ITGA1: variants seen among roughly 807,000 people sequenced by gnomAD.
ITGA1 encodes the protein integrin alpha-1.
ITGA1 carries 85 observed loss-of-function variants against 145.9 expected under a neutral mutation model. That is an observed-to-expected ratio of 0.58 (90% CI 0.49 to 0.70). The LOEUF is 0.70. Ranked by LOEUF, ITGA1 falls within the 30% of genes least tolerant of loss-of-function variation. ITGA1 has a pLI of 0.00. For synonymous variants in ITGA1, 520 were observed against 495.3 expected, an observed-to-expected ratio of 1.05 and a Z score of -0.66; for missense variants, 1,351 against 1,418.7, an observed-to-expected ratio of 0.95 and a Z score of 0.77.
At chr5:52,825,801 C>T (rs1048156053) in intron 1 of ITGA1, among the ~76,000 whole-genome samples, 1 of 151,928 alleles carries the variant, frequency 6.6e-6, no homozygotes. Context: ...GCCTGTAATC[C>T]CAGCTACTTG....
At chr5:52,820,880 T>C (rs1187199230) in intron 1 of ITGA1, among the ~76,000 whole-genome samples, 1 of 152,182 alleles carries the variant, frequency 6.6e-6, no homozygotes, top group Non-Finnish European at 1.5e-5. Flanking sequence ...TTCCCCAATT[T>C]AAGGTTGTCT....
intron 1 of ITGA1, chr5:52,800,330 TC>T: frequency 6.3e-7 from 1 of 1,585,482 alleles, no homozygotes; most frequent in Non-Finnish European, 8.6e-7. Context: ...CCATCCCCTC[TC>T]CCGGGGCGGA....
intron 1 of ITGA1, among the ~76,000 whole-genome samples, chr5:52,825,832 C>T (rs754381998): frequency 1.9e-4 from 29 of 151,172 alleles, no homozygotes; most frequent in Non-Finnish European, 2.2e-4. Flanking sequence ...GCAGGAGAAT[C>T]GCTTGAACCA....
intron 17 of ITGA1, 48 bp downstream of exon 17, chr5:52,920,516 A>G (rs1323460509): frequency 2.9e-6 from 4 of 1,384,590 alleles, no homozygotes; most frequent in Admixed American, 2.5e-5. Context: ...TCAAGAATAC[A>G]GTAGAGATGT....
intron 21 of ITGA1, chr5:52,931,362 C>G (rs1412774871): frequency 6.6e-6 from 1 of 152,132 alleles, no homozygotes; most frequent in Non-Finnish European, 1.5e-5. Flanking sequence ...AGAACAATCT[C>G]ATTCTCTGGC....
chr5:52,888,136 G>A (rs903906571), intron 8 of ITGA1, among the ~76,000 whole-genome samples, 171 bp downstream of exon 8: 1 of 152,016 alleles, frequency 6.6e-6, no homozygotes, highest in African/African-American at 2.4e-5. Flanking sequence ...TGGGTCCTTA[G>A]TACCCAGCAC....
Position 52,955,896 on chromosome 5 carries a change from G to A in ITGA1, c.*3445G>A, listed in dbSNP as rs903766356. 2 of 151,524 alleles carry A rather than the reference G, an allele frequency of 1.3e-5. No individual in the cohort carries two copies. Among genetic ancestry groups the A allele is most frequent in the African/African-American group, 4.9e-5 (2 of 41,148 alleles). The allele number at this position is 151,524 out of a possible 1,614,324, so 9.4% of individuals were successfully genotyped here. A position where few individuals can be genotyped will look rare whatever the true frequency, so the allele number is the denominator to read the frequency against. Reference sequence around the variant, plus strand: ...AACAGATATTTTTACAAAATTTGATGCTTCTGCAACCATAATAATTTTATC... The same window carrying A: ...AACAGATATTTTTACAAAATTTGATACTTCTGCAACCATAATAATTTTATC... On this transcript the variant is annotated 3_prime_UTR_variant, in exon 29 of 29. Coordinates refer to ENST00000282588, the MANE Select transcript of ITGA1 (RefSeq NM_181501.2).
chr5:52,857,842 C>T (rs1256645626), intron 2 of ITGA1, among the ~76,000 whole-genome samples: 1 of 152,166 alleles, frequency 6.6e-6, no homozygotes, highest in East Asian at 1.9e-4. Flanking sequence ...ACTGAGCCCA[C>T]TTGCCTACAG....
chr5:52,854,691 G>T (rs867751395), intron 2 of ITGA1, among the ~76,000 whole-genome samples: 2 of 152,128 alleles, frequency 1.3e-5, no homozygotes, highest in Non-Finnish European at 2.9e-5. Context: ...ATCTTTTGCA[G>T]GGAAGAAAAC....
At position 52,953,064 on chromosome 5, in the gene ITGA1, A is replaced by G. The variant is rs1289161488; in HGVS notation, c.*613A>G. 5 of 152,174 alleles carry G rather than the reference A, an allele frequency of 3.3e-5. No individual in the cohort carries two copies. The highest frequency in any genetic ancestry group is 1.2e-4 in the African/African-American group (5 of 41,420). 9.4% of individuals were successfully genotyped at this position (152,174 alleles called of 1,614,324 possible). The stretch of plus-strand genomic sequence containing the variant: ...TCCCTGCCCAAGGTGATTGGAAAGT[A>G]CTGCAATTGAGCTAAAATTTTATCT... On this transcript the variant is annotated 3_prime_UTR_variant, in exon 29 of 29. Coordinates refer to ENST00000282588, the MANE Select transcript of ITGA1 (RefSeq NM_181501.2).
rs1185586066 is a variant in ITGA1, at chr5:52,849,351, T to A, written c.62-14T>A. 2.5e-6 allele frequency: 4 copies of A among 1,586,396 alleles called. No individual in the cohort carries two copies. In the East Asian group the frequency reaches 9.0e-5, roughly 36 times the overall value. ...GTTAACTCTATGTAACTGGATTTTG[T>A]TTTTCTCCTAAAGTTGTTCTACGCT... On this transcript the variant is annotated splice_polypyrimidine_tract_variant and intron_variant, in intron 1 of 28. Coordinates refer to ENST00000282588, the MANE Select transcript of ITGA1 (RefSeq NM_181501.2).
At chr5:52,825,837 G>A (rs551963048) in intron 1 of ITGA1, among the ~76,000 whole-genome samples, 44 of 151,454 alleles carry the variant, frequency 2.9e-4, no homozygotes, top group African/African-American at 1.1e-3. Flanking sequence ...AGAATCGCTT[G>A]AACCAGGGAG....
At chr5:52,898,413 T>C (rs1244988647) in intron 11 of ITGA1, 30 bp downstream of exon 11, 3 of 1,547,388 alleles carry the variant, frequency 1.9e-6, no homozygotes, top group South Asian at 2.4e-5. Flanking sequence ...ATAAAAGAGT[T>C]GTTTTACTTT....
intron 2 of ITGA1, among the ~76,000 whole-genome samples, chr5:52,857,660 GT>G (rs894751680): frequency 4.6e-5 from 7 of 151,992 alleles, no homozygotes; most frequent in Non-Finnish European, 1.5e-5. Context: ...CCCTTGCCTA[GT>G]TTTCTTCCTT....
chr5:52,944,882 A>G lies in ITGA1; in HGVS notation c.3286-61A>G, dbSNP rs1751110336. 6 of 1,149,690 alleles carry G rather than the reference A, an allele frequency of 5.2e-6. No individual in the cohort carries two copies. In the East Asian group the frequency reaches 9.5e-5, roughly 18 times the overall value. 71.2% of individuals were successfully genotyped at this position (1,149,690 alleles called of 1,614,324 possible). On this transcript the variant is annotated intron_variant, in intron 26 of 28. Coordinates refer to ENST00000282588, the MANE Select transcript of ITGA1 (RefSeq NM_181501.2). ...GCTTTTATAAATGTCCTACTCAAACATGACTAGCTCTCATTTTGATTAGCA... is the reference window on the plus strand; with the variant it reads ...GCTTTTATAAATGTCCTACTCAAACGTGACTAGCTCTCATTTTGATTAGCA...
chr5:52,854,978 T>C (rs1749490990), intron 2 of ITGA1, among the ~76,000 whole-genome samples: 1 of 152,110 alleles, frequency 6.6e-6, no homozygotes, highest in Non-Finnish European at 1.5e-5. Flanking sequence ...AAAAGCAAGA[T>C]CTAATAGGAA....
At chr5:52,884,644 G>A (rs1750019360) in intron 7 of ITGA1, among the ~76,000 whole-genome samples, 1 of 152,136 alleles carries the variant, frequency 6.6e-6, no homozygotes, top group Non-Finnish European at 1.5e-5. Flanking sequence ...AACAGGGCAG[G>A]GATTGGCAGT....
Position 52,952,711 on chromosome 5 carries a change from A to C in ITGA1, c.*260A>C, listed in dbSNP as rs1416422199. 5.2e-6 allele frequency: 1 copy of C among 191,764 alleles called. No individual in the cohort carries two copies. Among genetic ancestry groups the C allele is most frequent in the Non-Finnish European group, 1.1e-5 (1 of 92,830 alleles). The allele number at this position is 191,764 out of a possible 1,614,324, so 11.9% of individuals were successfully genotyped here. On this transcript the variant is annotated 3_prime_UTR_variant, in exon 29 of 29. Transcript: ENST00000282588. ...GCAAAATTACAAAGTGTTTTTAAAA[A>C]AACCTGTACAAATATGTTTATGTAT...
chr5:52,882,078 T>G, intron 7 of ITGA1, 57 bp downstream of exon 7: 1 of 1,408,858 alleles, frequency 7.1e-7, no homozygotes, highest in African/African-American at 1.4e-5. Flanking sequence ...CTGCTCATGA[T>G]TTAGCCTTTT....
Sources: allele counts gnomAD v4.1 joint callset (sites outside exome capture counted in the v4.1 genomes callset), GRCh38; gene constraint gnomAD v4.1.1; transcripts MANE v1.5; gene names NCBI Gene and HGNC (gene_info 2026-07-23, HGNC 2026-07-21).